Variants in GSE1 observed in about 807,000 individuals in gnomAD.
The protein encoded by GSE1 is Gse1 coiled-coil protein.
A neutral mutation model predicts 112.6 loss-of-function variants in GSE1; 32 were observed. The ratio of observed to expected loss-of-function variants is 0.28; its 90% CI spans 0.21 to 0.38. GSE1 has a LOEUF of 0.38. Ranked by LOEUF, GSE1 falls within the 10% of genes least tolerant of loss-of-function variation. The probability of loss-of-function intolerance (pLI) is 1.00; values close to 1 mark genes in which losing one functional copy is unlikely to be tolerated. For missense variants in GSE1, 2,348 were observed against 1,699.2 expected (o/e 1.38, Z -6.71); for synonymous variants, 1,115 against 735.6 (o/e 1.52, Z -8.35).
intron 1 of GSE1, 112 bp downstream of exon 1, chr16:85,613,510 A>G (rs2048139432): frequency 7.0e-6 from 7 of 997,610 alleles, no homozygotes; most frequent in Non-Finnish European, 1.0e-5. Context: ...CTCCCGGGCA[A>G]CTTCCCCGGA....
upstream of GSE1, among the ~76,000 whole-genome samples, chr16:85,608,086 G>C (rs1447234747): frequency 6.6e-6 from 1 of 152,210 alleles, no homozygotes; most frequent in African/African-American, 2.4e-5. Flanking sequence ...GGCAGGGATG[G>C]GAAAAGCCTT....
At chr16:85,473,209 A>AT (rs2151850059) in intron 2 of GSE1, among the ~76,000 whole-genome samples, 1 of 152,366 alleles carries the variant, frequency 6.6e-6, no homozygotes, top group Non-Finnish European at 1.5e-5. Flanking sequence ...CTGAGACAGC[A>AT]TTGAGTAAAA....
chr16:85,513,625 C>T (rs2051820348), intron 2 of GSE1, among the ~76,000 whole-genome samples: 2 of 152,200 alleles, frequency 1.3e-5, no homozygotes, highest in Admixed American at 1.3e-4. Flanking sequence ...GGGGAATCTG[C>T]TGCCTCCAGG....
At position 85,654,463 on chromosome 16, in the gene GSE1, G is replaced by T; in HGVS notation, c.599+13G>T. 6.4e-7 allele frequency: 1 copy of T among 1,554,698 alleles called. No homozygotes were observed. ...TCCCGCCACTCAAGTAAGTTGGTCGGCGGGGACTTCGGTGAGGTGGCCAGG... is the reference window on the plus strand; with the variant it reads ...TCCCGCCACTCAAGTAAGTTGGTCGTCGGGGACTTCGGTGAGGTGGCCAGG... On this transcript the variant is annotated intron_variant, in intron 4 of 15. Transcript: ENST00000253458.
intron 2 of GSE1, among the ~76,000 whole-genome samples, chr16:85,539,094 TGTAA>T (rs1415709655): frequency 5.3e-5 from 8 of 152,242 alleles, no homozygotes; most frequent in Admixed American, 1.3e-4. Context: ...TGCCCACTCC[TGTAA>T]GTGTCTTAAT....
intron 2 of GSE1, among the ~76,000 whole-genome samples, chr16:85,361,280 C>T (rs1333904027): frequency 7.2e-6 from 1 of 139,834 alleles, no homozygotes; most frequent in African/African-American, 2.7e-5. Flanking sequence ...TACAGACGCA[C>T]ACAAGGGCAG....
intron 2 of GSE1, among the ~76,000 whole-genome samples, chr16:85,420,007 C>T (rs2048795132): frequency 6.6e-6 from 1 of 152,232 alleles, no homozygotes; most frequent in Non-Finnish European, 1.5e-5. Context: ...CTGAGCTTGA[C>T]ATCGGGGCCA....
At chr16:85,624,051 G>A (rs1352398192) in intron 1 of GSE1, among the ~76,000 whole-genome samples, 1 of 152,162 alleles carries the variant, frequency 6.6e-6, no homozygotes, top group Non-Finnish European at 1.5e-5. Flanking sequence ...CCTCCACACT[G>A]GGGAGAGGAG....
rs966791172 is a variant in GSE1, at chr16:85,637,188, C to A, written c.226+3056C>A. On this transcript the variant is annotated intron_variant, in intron 2 of 15. Transcript: ENST00000253458. ...TGCCGTCAGCTCCCACGCCCTCCCC[C>A]AGCCCCCGGCGGCCGCTGTCTGCTT... is the stretch of plus-strand genomic sequence containing the variant. Among the ~76,000 whole-genome samples the A allele has an allele frequency of 2.6e-5, 4 of 152,332 alleles. 1 individual carries two copies. The South Asian group carries it at 8.3e-4, about 32-fold the overall frequency.
intron 2 of GSE1, among the ~76,000 whole-genome samples, chr16:85,470,051 C>T (rs2050238741): frequency 2.0e-5 from 3 of 152,254 alleles, no homozygotes; most frequent in Non-Finnish European, 4.4e-5. Context: ...GCCCAGAGGC[C>T]CCTCCCTGGG....
intron 2 of GSE1, among the ~76,000 whole-genome samples, chr16:85,397,945 G>C (rs1365798098): frequency 2.8e-5 from 4 of 144,256 alleles, no homozygotes; most frequent in Non-Finnish European, 4.6e-5. Context: ...TGGGGCCTGG[G>C]CTCCACCCTA....
chr16:85,362,323 A>G (rs576276167), intron 2 of GSE1, among the ~76,000 whole-genome samples: 32 of 152,318 alleles, frequency 2.1e-4, no homozygotes, highest in African/African-American at 7.2e-4. Context: ...TATAAAATCT[A>G]TTGAGAGGAC....
At chr16:85,481,565 G>T (rs768719305) in intron 2 of GSE1, among the ~76,000 whole-genome samples, 5 of 152,200 alleles carry the variant, frequency 3.3e-5, no homozygotes, top group Non-Finnish European at 7.3e-5. Flanking sequence ...TGTTTGGCTG[G>T]AATCTTCTGT....
At chr16:85,222,393 C>T (rs2075409650) in intron 1 of GSE1, among the ~76,000 whole-genome samples, 2 of 152,228 alleles carry the variant, frequency 1.3e-5, no homozygotes, top group Admixed American at 1.3e-4. Flanking sequence ...GCTATGCCCC[C>T]TGCTTGCGTG....
chr16:85,490,876 G>A (rs1230612398), intron 2 of GSE1: 1 of 152,248 alleles, frequency 6.6e-6, no homozygotes, highest in Non-Finnish European at 1.5e-5. Context: ...GAATTGAGCT[G>A]GGTGCCACGG....
chr16:85,175,430 A>G (rs1012559862), intron 1 of GSE1, among the ~76,000 whole-genome samples: 12 of 152,198 alleles, frequency 7.9e-5, no homozygotes, highest in African/African-American at 2.9e-4. Context: ...CCTGGCTTCA[A>G]TCTTCATGCT....
intron 2 of GSE1, among the ~76,000 whole-genome samples, chr16:85,525,508 CAGCCAGCCGGCAGGCTTTCCT>C (rs1239307525): frequency 6.6e-6 from 1 of 152,220 alleles, no homozygotes; most frequent in Non-Finnish European, 1.5e-5. Flanking sequence ...TCATGATGCC[CAGCCAGCCGGCAGGCTTTCCT>C]GTGGGGGTGA....
chr16:85,387,256 G>A (rs969628257), intron 2 of GSE1, among the ~76,000 whole-genome samples: 2 of 151,966 alleles, frequency 1.3e-5, no homozygotes, highest in Non-Finnish European at 1.5e-5. Flanking sequence ...TGAGTCTCAC[G>A]CCCAGTGACT....
intron 2 of GSE1, among the ~76,000 whole-genome samples, chr16:85,456,579 C>CGCGTGT (rs2049831561): frequency 2.2e-5 from 2 of 91,476 alleles, no homozygotes; most frequent in Admixed American, 2.2e-4. Context: ...ATTTTCCTGC[C>CGCGTGT]GTGTGTGTGT....
Sources: allele counts gnomAD v4.1 joint callset (sites outside exome capture counted in the v4.1 genomes callset), GRCh38; gene constraint gnomAD v4.1.1; transcripts MANE v1.5; gene names NCBI Gene and HGNC (gene_info 2026-07-23, HGNC 2026-07-21).